The following IFFO2 variants were observed in gnomAD, a reference collection of about 807,000 sequenced individuals.
IFFO2 encodes the protein intermediate filament family orphan 2.
IFFO2 carries 19 observed loss-of-function variants against 53.5 expected under a neutral mutation model. The observed-to-expected ratio is 0.36, with a 90% CI of 0.25 to 0.52. The LOEUF (loss-of-function observed/expected upper bound fraction) is 0.52, where lower values mean the gene tolerates loss of function less well. Among genes scored for constraint, IFFO2 ranks in the 20% least tolerant of loss-of-function variants. The probability of loss-of-function intolerance (pLI) is 0.94; values close to 1 mark genes in which losing one functional copy is unlikely to be tolerated. For synonymous variants in IFFO2, 303 were observed against 313.6 expected, an observed-to-expected ratio of 0.97 and a Z score of 0.36; for missense variants, 570 against 727.4, an observed-to-expected ratio of 0.78 and a Z score of 2.49.
In IFFO2 at chr1:18,918,513, G is replaced by A; in HGVS notation, c.823-11C>T. ...CAGGTCTGTCATGGGCTGCAGGGAG[G>A]ACAGCAGGGTTTACATGAGCGAGGG... On this transcript the variant is annotated splice_polypyrimidine_tract_variant and intron_variant, in intron 3 of 8. Coordinates refer to ENST00000455833, the MANE Select transcript of IFFO2 (RefSeq NM_001136265.2). This position sits in a 1 kb window ranked among gnomAD's most constrained non-coding sequence, Gnocchi z 5.2. 6.4e-7 allele frequency: 1 copy of A among 1,552,068 alleles called. No individual in the cohort carries two copies.
chr1:18,946,516 G>A (rs529816271), intron 1 of IFFO2, among the ~76,000 whole-genome samples: 15 of 145,954 alleles, frequency 1.0e-4, no homozygotes, highest in Admixed American at 6.4e-4. Flanking sequence ...CCAAGTTCAA[G>A]CCATTCTCCT....
In IFFO2 at chr1:18,956,198, C is replaced by A. The variant is rs1473198097; in HGVS notation, c.135G>T (p.Ala45=). ...AGPGPSPVTA[A]LRDDLGSNIH... The stretch of plus-strand genomic sequence containing the variant: ...TGTTGGAGCCCAGGTCGTCCCGCAG[C>A]GCCGCCGTCACCGGCGACGGACCCG... The change falls in exon 1 of 9, where the codon GCG becomes GCT. Residue 45 remains alanine, a synonymous_variant. Transcript: ENST00000455833. This position sits in a 1 kb window ranked among gnomAD's most constrained non-coding sequence, Gnocchi z 6.4. 7.0e-7 allele frequency: 1 copy of A among 1,428,304 alleles called. No individual in the cohort carries two copies. The highest frequency in any genetic ancestry group is 9.3e-7 in the Non-Finnish European group (1 of 1,074,288). 88.5% of individuals were successfully genotyped at this position (1,428,304 alleles called of 1,614,324 possible).
At position 18,919,397 on chromosome 1, in the gene IFFO2, AAC is replaced by A. The variant is rs1340035937; in HGVS notation, c.822+279_822+280del. The stretch of plus-strand genomic sequence containing the variant: ...GGCGAGCTGGGAAGGAGTGGGAGCA[AAC>A]ACACACAGACCATCAGGGGAGCCCG... On this transcript the variant is annotated intron_variant, in intron 3 of 8. Coordinates refer to ENST00000455833, the MANE Select transcript of IFFO2 (RefSeq NM_001136265.2). This position sits in a 1 kb window ranked among gnomAD's most constrained non-coding sequence, Gnocchi z 4.9. Among the ~76,000 whole-genome samples, 1 of 151,996 alleles carries A rather than the reference AAC, an allele frequency of 6.6e-6. No homozygotes were observed. The highest frequency in any genetic ancestry group is 1.5e-5 in the Non-Finnish European group (1 of 67,990).
At chr1:18,926,017 A>T (rs111242343) in intron 1 of IFFO2, among the ~76,000 whole-genome samples, 23 of 82,494 alleles carry the variant, frequency 2.8e-4, no homozygotes, top group South Asian at 8.6e-4. Flanking sequence ...GGATGGATGG[A>T]TGGATGGATG....
Position 18,908,163 on chromosome 1 carries a change from A to AT in IFFO2, c.*397_*398insA. ...GCAGGTGGGACGGACGGCAGAAACC[A>AT]CATTACACCACGGCCGGTTGGCCCG... On this transcript the variant is annotated 3_prime_UTR_variant, in exon 9 of 9. Coordinates refer to ENST00000455833, the MANE Select transcript of IFFO2 (RefSeq NM_001136265.2). The AT allele has an allele frequency of 4.9e-5, 11 of 224,990 alleles. No homozygotes were observed. The highest frequency in any genetic ancestry group is 2.0e-4 in the Admixed American group (4 of 20,132). 13.9% of individuals were successfully genotyped at this position (224,990 alleles called of 1,614,324 possible).
At chr1:18,921,406 C>T (rs1936214484) in intron 1 of IFFO2, among the ~76,000 whole-genome samples, 1 of 152,220 alleles carries the variant, frequency 6.6e-6, no homozygotes, top group African/African-American at 2.4e-5. Context: ...GGGACCACCA[C>T]CCTGCCTGCA....
rs888878725 is a variant in IFFO2 at position 18,947,339 on chromosome 1, G to A, written c.665+8329C>T. Among the ~76,000 whole-genome samples, 2 of 152,202 alleles carry A rather than the reference G, an allele frequency of 1.3e-5. No homozygotes were observed. The highest frequency in any genetic ancestry group is 2.9e-5 in the Non-Finnish European group (2 of 68,024). ...GAACCTCGGGCTGGCTGTGCCCTGA[G>A]GACACTCAGGGGCCGGGCAAGATAA... On this transcript the variant is annotated intron_variant, in intron 1 of 8. Coordinates refer to ENST00000455833, the MANE Select transcript of IFFO2 (RefSeq NM_001136265.2). This position sits in a 1 kb window ranked among gnomAD's most constrained non-coding sequence, Gnocchi z 5.0.
At chr1:18,948,465 G>A (rs1412016750) in intron 1 of IFFO2, among the ~76,000 whole-genome samples, 1 of 152,204 alleles carries the variant, frequency 6.6e-6, no homozygotes. Flanking sequence ...TGGGCTCCAC[G>A]GACCCTCCAG....
intron 1 of IFFO2, among the ~76,000 whole-genome samples, chr1:18,923,500 C>G (rs1278965179): frequency 6.6e-6 from 1 of 152,216 alleles, no homozygotes; most frequent in Non-Finnish European, 1.5e-5. Context: ...CTGGGGGGTA[C>G]GTTCTGGGCC....
At chr1:18,926,053 ATTGGT>A (rs1936289556) in intron 1 of IFFO2, among the ~76,000 whole-genome samples, 25 of 11,354 alleles carry the variant, frequency 2.2e-3, no homozygotes, top group Admixed American at 2.6e-3. Context: ...GGATGGATGG[ATTGGT>A]TGGATGGATG....
intron 1 of IFFO2, among the ~76,000 whole-genome samples, chr1:18,950,467 C>T (rs1440156850): frequency 6.6e-6 from 1 of 152,190 alleles, no homozygotes; most frequent in Non-Finnish European, 1.5e-5. Context: ...AAGATGATCC[C>T]TCTTTTACAG....
chr1:18,938,139 G>T (rs542627834), intron 1 of IFFO2, among the ~76,000 whole-genome samples: 87 of 152,364 alleles, frequency 5.7e-4, no homozygotes, highest in African/African-American at 2.1e-3. Context: ...AGCTGGGATG[G>T]GCGTCCAACT....
At chr1:18,945,568 G>T (rs1171100512) in intron 1 of IFFO2, among the ~76,000 whole-genome samples, 2 of 152,212 alleles carry the variant, frequency 1.3e-5, no homozygotes, top group African/African-American at 4.8e-5. Context: ...TCCGCTGCAG[G>T]GGCCTCTCTC....
At chr1:18,941,880 A>T (rs889368222) in intron 1 of IFFO2, among the ~76,000 whole-genome samples, 1 of 152,128 alleles carries the variant, frequency 6.6e-6, no homozygotes, top group African/African-American at 2.4e-5. Flanking sequence ...TCCACATTCC[A>T]TCAGGCCCTC....
At chr1:18,910,239 A>G in intron 8 of IFFO2, 103 bp downstream of exon 8, 1 of 1,317,742 alleles carries the variant, frequency 7.6e-7, no homozygotes, top group East Asian at 2.5e-5. Flanking sequence ...AGATGGACGG[A>G]CAGAGAGACA....
In IFFO2 at chr1:18,919,034, C is replaced by T. The variant is rs1936176221; in HGVS notation, c.823-532G>A. 1.3e-5 allele frequency among the ~76,000 whole-genome samples: 2 copies of T among 152,270 alleles called. No individual in the cohort carries two copies. The highest frequency in any genetic ancestry group is 1.9e-4 in the East Asian group (1 of 5,160). The stretch of plus-strand genomic sequence containing the variant: ...CCACACCCAGCTTCACGTCCCTCCA[C>T]ACCAGGAGCCATGCCAGGCTCAGTC... On this transcript the variant is annotated intron_variant, in intron 3 of 8. Transcript: ENST00000455833. The surrounding 1 kb of genome is among the most constrained non-coding windows in gnomAD (Gnocchi z 4.9).
intron 5 of IFFO2, among the ~76,000 whole-genome samples, chr1:18,913,300 G>A (rs1364189483): frequency 6.6e-6 from 1 of 152,264 alleles, no homozygotes; most frequent in African/African-American, 2.4e-5. Flanking sequence ...TCCTGAGCTG[G>A]TAGGGGGTGG....
intron 1 of IFFO2, among the ~76,000 whole-genome samples, chr1:18,940,537 A>C (rs1049674722): frequency 6.6e-6 from 1 of 151,464 alleles, no homozygotes; most frequent in African/African-American, 2.4e-5. Flanking sequence ...AAAAGGATGG[A>C]TGGATGGACA....
At chr1:18,914,761 T>C (rs1936106610) in intron 5 of IFFO2, among the ~76,000 whole-genome samples, 1 of 141,422 alleles carries the variant, frequency 7.1e-6, no homozygotes. Context: ...AGGTGGAAGC[T>C]GCAGTGAGCT....
Sources: allele counts gnomAD v4.1 joint callset (sites outside exome capture counted in the v4.1 genomes callset), GRCh38; gene constraint gnomAD v4.1.1; non-coding constraint Gnocchi (gnomAD v3.1); transcripts MANE v1.5; gene names NCBI Gene and HGNC (gene_info 2026-07-23, HGNC 2026-07-21).